Variants in DGLUCY observed in about 807,000 individuals in gnomAD.
DGLUCY encodes D-glutamate cyclase, mitochondrial.
DGLUCY carries 58 observed loss-of-function variants against 58.5 expected under a neutral mutation model. The observed-to-expected ratio is 0.99, with a 90% CI of 0.80 to 1.23. DGLUCY has a LOEUF of 1.23. Among genes scored for constraint, DGLUCY ranks in the 50% most tolerant of loss-of-function variants. DGLUCY has a pLI of 0.00. For missense variants in DGLUCY, 779 were observed against 784.7 expected, an observed-to-expected ratio of 0.99 and a Z score of 0.09; for synonymous variants, 325 against 314.1, an observed-to-expected ratio of 1.03 and a Z score of -0.37.
chr14:91,181,557 A>T (rs911360133), intron 8 of DGLUCY, among the ~76,000 whole-genome samples, 168 bp downstream of exon 8: 3 of 152,210 alleles, frequency 2.0e-5, no homozygotes, highest in Admixed American at 2.0e-4. Flanking sequence ...AGAATTAAAT[A>T]CACCAAAATA....
At chr14:91,155,333 G>A (rs965160015) in intron 1 of DGLUCY, among the ~76,000 whole-genome samples, 2 of 152,286 alleles carry the variant, frequency 1.3e-5, no homozygotes, top group Admixed American at 6.5e-5. Context: ...GGCCAGAAGT[G>A]TCCTGAGAGC....
chr14:91,121,756 T>C (rs1021664855), intron 1 of DGLUCY, among the ~76,000 whole-genome samples: 1 of 152,120 alleles, frequency 6.6e-6, no homozygotes, highest in Non-Finnish European at 1.5e-5. Context: ...AAAATGCCTA[T>C]AGTGTGCCAG....
At chr14:91,224,661 A>G in intron 13 of DGLUCY, 23 bp from the exon 14 acceptor site, 1 of 1,578,712 alleles carries the variant, frequency 6.3e-7, no homozygotes, top group Non-Finnish European at 8.7e-7. Flanking sequence ...CACTCCTTCT[A>G]TTTCTGCCCT....
In DGLUCY at chr14:91,170,120, C is replaced by A. The variant is rs150590185; in HGVS notation, c.375C>A (p.Ser125Arg). Reference protein sequence around the residue: ...KDMVAFFLGCSFSLEEALEKA... With the variant: ...KDMVAFFLGCRFSLEEALEKA... ...TGGTGGCCTTCTTCCTGGGCTGCAG[C>A]TTCTCCCTGGAGGAGGCCTTGGAGA... The change falls in exon 5 of 14, where the codon AGC becomes AGA. Residue 125 changes from serine to arginine, a missense_variant. Transcript: ENST00000256324. 1.2e-6 allele frequency: 2 copies of A among 1,613,322 alleles called. No individual in the cohort carries two copies. Among genetic ancestry groups the A allele is most frequent in the Non-Finnish European group, 1.7e-6 (2 of 1,180,052 alleles).
chr14:91,138,151 C>A (rs2046446677), intron 1 of DGLUCY, among the ~76,000 whole-genome samples: 2 of 152,104 alleles, frequency 1.3e-5, no homozygotes, highest in Admixed American at 1.3e-4. Flanking sequence ...GGTAGTGTCC[C>A]CTGCCTATCT....
intron 13 of DGLUCY, among the ~76,000 whole-genome samples, chr14:91,217,220 A>G (rs1033818876): frequency 3.9e-5 from 6 of 152,294 alleles, no homozygotes; most frequent in African/African-American, 1.2e-4. Context: ...CTTTACATCT[A>G]AATCCTGGGT....
intron 1 of DGLUCY, among the ~76,000 whole-genome samples, chr14:91,094,945 C>T (rs2044370737): frequency 2.0e-5 from 3 of 152,104 alleles, no homozygotes; most frequent in South Asian, 2.1e-4. Context: ...AAGGATCCAA[C>T]ACAAGCTGTG....
intron 9 of DGLUCY, among the ~76,000 whole-genome samples, chr14:91,195,740 G>A (rs1463424501): frequency 7.0e-6 from 1 of 142,994 alleles, no homozygotes; most frequent in Non-Finnish European, 1.5e-5. Context: ...GCGTGATCTC[G>A]GCTCACTGCA....
intron 1 of DGLUCY, among the ~76,000 whole-genome samples, chr14:91,061,098 C>T (rs2043663601): frequency 6.6e-6 from 1 of 152,106 alleles, no homozygotes; most frequent in African/African-American, 2.4e-5. Context: ...CCGCCAATCA[C>T]CGTGGACAGA....
intron 12 of DGLUCY, among the ~76,000 whole-genome samples, chr14:91,206,572 G>A (rs1013541187): frequency 3.3e-5 from 5 of 151,820 alleles, no homozygotes; most frequent in South Asian, 2.1e-4. Flanking sequence ...TGGTAGAGAC[G>A]GGGTTTCGCC....
At chr14:91,165,354 C>A (rs2048219029) in intron 3 of DGLUCY, 1 of 437,554 alleles carries the variant, frequency 2.3e-6, no homozygotes. Flanking sequence ...ATGGTTGCTG[C>A]CATCTTATAG....
intron 1 of DGLUCY, among the ~76,000 whole-genome samples, chr14:91,156,200 G>A (rs924894638): frequency 2.0e-5 from 3 of 149,848 alleles, no homozygotes; most frequent in Non-Finnish European, 4.4e-5. Flanking sequence ...TGCAACCTCC[G>A]CCTCCCAGGT....
intron 12 of DGLUCY, among the ~76,000 whole-genome samples, chr14:91,211,232 G>T (rs557507575): frequency 6.6e-6 from 1 of 152,206 alleles, no homozygotes; most frequent in South Asian, 2.1e-4. Context: ...AAGAAGACTC[G>T]ATATTGTCAA....
At chr14:91,153,430 A>C (rs561911545) in intron 1 of DGLUCY, among the ~76,000 whole-genome samples, 1 of 152,102 alleles carries the variant, frequency 6.6e-6, no homozygotes, top group Admixed American at 6.6e-5. Flanking sequence ...TGATCCGCCC[A>C]CCTCGGCCTC....
intron 1 of DGLUCY, among the ~76,000 whole-genome samples, chr14:91,077,666 C>A (rs1278478743): frequency 6.6e-6 from 1 of 151,210 alleles, no homozygotes; most frequent in Admixed American, 6.6e-5. Context: ...GCAGGCGAAT[C>A]GCTTGAACCC....
chr14:91,193,208 A>G (rs2050007412), intron 9 of DGLUCY, among the ~76,000 whole-genome samples: 1 of 152,238 alleles, frequency 6.6e-6, no homozygotes, highest in Non-Finnish European at 1.5e-5. Flanking sequence ...CGTAGGGCAG[A>G]GAAAGGCCTC....
rs181918290 is a variant in DGLUCY at position 91,081,778 on chromosome 14, G to A, written c.-82+21074G>A. 1.5e-3 allele frequency among the ~76,000 whole-genome samples: 223 copies of A among 151,272 alleles called. 3 individuals are homozygous for A. Among genetic ancestry groups the A allele is most frequent in the Non-Finnish European group, 3.5e-4 (24 of 67,816 alleles). ...TTTTTCTCAGACAGAGTCTCACTCC[G>A]TCACCCAGGCTGGAGTGCAGTGGCA... On this transcript the variant is annotated intron_variant, in intron 1 of 4. Transcript: ENST00000521334.
chr14:91,132,345 A>G (rs1473603543), intron 1 of DGLUCY, among the ~76,000 whole-genome samples: 2 of 152,190 alleles, frequency 1.3e-5, no homozygotes, highest in South Asian at 2.1e-4. Flanking sequence ...TGGGAGGATC[A>G]CTTGAGCCTA....
chr14:91,182,057 T>C (rs1436700888), intron 8 of DGLUCY, among the ~76,000 whole-genome samples: 1 of 151,836 alleles, frequency 6.6e-6, no homozygotes, highest in South Asian at 2.1e-4. Flanking sequence ...CTCAATTCAC[T>C]GCAACCTCCA....
Sources: gnomAD v4.1 joint callset for allele counts (sites outside exome capture counted in the v4.1 genomes callset) on GRCh38, gnomAD v4.1.1 for gene constraint, MANE v1.5 for transcripts, NCBI Gene and HGNC (gene_info 2026-07-23, HGNC 2026-07-21) for gene names.